The following GRAMD4 variants were observed in gnomAD, a reference collection of about 807,000 sequenced individuals.
The protein encoded by GRAMD4 is GRAM domain containing 4.
GRAMD4 carries 25 observed loss-of-function variants against 83.9 expected under a neutral mutation model. The observed-to-expected ratio is 0.30, with a 90% CI of 0.22 to 0.42. The LOEUF (loss-of-function observed/expected upper bound fraction) is 0.42. Ranked by LOEUF, GRAMD4 falls within the 10% of genes least tolerant of loss-of-function variation. The pLI is 1.00. For synonymous variants in GRAMD4, 336 were observed against 320.9 expected (o/e 1.05, Z -0.50); for missense variants, 593 against 788.7 (o/e 0.75, Z 2.97).
intron 3 of GRAMD4, among the ~76,000 whole-genome samples, chr22:46,643,159 C>CCATGCATCCATCCATGCATGCATG (rs1258467222): frequency 7.5e-4 from 34 of 45,256 alleles, no homozygotes; most frequent in Non-Finnish European, 1.3e-3. Context: ...ATCCATCCAT[C>CCATGCATCCATCCATGCATGCATG]CATCCATCCA....
At chr22:46,654,902 A>C (rs1173031332) in intron 3 of GRAMD4, among the ~76,000 whole-genome samples, 1 of 152,228 alleles carries the variant, frequency 6.6e-6, no homozygotes, top group African/African-American at 2.4e-5. Context: ...ACACTGTACC[A>C]GGAGGTTGTG....
intron 13 of GRAMD4, chr22:46,671,172 GA>G: frequency 2.2e-6 from 1 of 446,868 alleles, no homozygotes; most frequent in Non-Finnish European, 4.8e-6. Context: ...CCACGTGGAG[GA>G]GGCCTGGGAG....
intron 1 of GRAMD4, among the ~76,000 whole-genome samples, chr22:46,613,182 G>T (rs1030813535): frequency 5.3e-5 from 8 of 152,344 alleles, no homozygotes; most frequent in East Asian, 1.9e-4. Context: ...ACCACTGCTG[G>T]CTGGGCAGGT....
At chr22:46,656,114 C>T (rs757064672) in intron 3 of GRAMD4, among the ~76,000 whole-genome samples, 6 of 151,964 alleles carry the variant, frequency 3.9e-5, no homozygotes, top group Admixed American at 1.3e-4. Context: ...GGGGGGCTCT[C>T]GGGAGTCCAG....
At chr22:46,682,382 A>C, downstream of GRAMD4, 1 of 968,784 alleles carries the variant, frequency 1.0e-6, no homozygotes, top group Non-Finnish European at 1.2e-6. Context: ...TGTAAATGAT[A>C]TGATGACAGA....
Position 46,678,877 on chromosome 22 carries a change from C to T in GRAMD4, c.*1626C>T. On this transcript the variant is annotated 3_prime_UTR_variant, in exon 19 of 19. Coordinates refer to ENST00000406902, the MANE Select transcript of GRAMD4 (RefSeq NM_015124.5). The stretch of plus-strand genomic sequence containing the variant: ...ACCAGATTAAGCACATGTCCTATCC[C>T]AGGCGGTGGAGCGGAGCCCCCGTGG... The T allele has an allele frequency of 1.0e-6, 1 of 985,976 alleles. No individual in the cohort carries two copies. The highest frequency in any genetic ancestry group is 1.2e-6 in the Non-Finnish European group (1 of 829,996). The allele number at this position is 985,976 out of a possible 1,614,324, so 61.1% of individuals were successfully genotyped here.
In GRAMD4 at chr22:46,622,771, GT is replaced by G. The variant is rs2081594689; in HGVS notation, c.-50+2207del. ...TACTAAAAATACAAAAAATTAGCTG[GT>G]GTGGTGGCGGGTGCCTGTAGTCCCA... On this transcript the variant is annotated intron_variant, in intron 1 of 18. Transcript: ENST00000406902. This position sits in a 1 kb window ranked among gnomAD's most constrained non-coding sequence, Gnocchi z 4.0. Among the ~76,000 whole-genome samples the G allele has an allele frequency of 6.6e-6, 1 of 152,074 alleles. No homozygotes were observed.
Position 46,599,720 on chromosome 22 carries a change from A to C in GRAMD4, c.-50+22430A>C, listed in dbSNP as rs561426046. ...ATTAGCTCCATTCTCTGAAATGAGC[A>C]TCTTGGTTCTGTCTGGAAGATGGAG... On this transcript the variant is annotated intron_variant, in intron 1 of 1. Coordinates refer to the GRAMD4 transcript ENST00000431155. Among the ~76,000 whole-genome samples the C allele has an allele frequency of 5.7e-4, 87 of 152,342 alleles. 1 individual carries two copies. The highest frequency in any genetic ancestry group is 2.3e-3 in the South Asian group (11 of 4,816).
chr22:46,677,000 C>G (rs894576478), intron 18 of GRAMD4, 147 bp from the exon 19 acceptor site: 16 of 878,382 alleles, frequency 1.8e-5, no homozygotes, highest in Non-Finnish European at 2.3e-5. Context: ...AGCCTGGCTC[C>G]GGGTGGTGGG....
chr22:46,598,436 C>G (rs900802572), intron 1 of GRAMD4, among the ~76,000 whole-genome samples: 9 of 152,174 alleles, frequency 5.9e-5, no homozygotes, highest in East Asian at 1.9e-4. Flanking sequence ...TGTTTGTTGC[C>G]AGAGGATTCT....
chr22:46,593,060 T>G lies in GRAMD4; in HGVS notation c.-50+15770T>G, dbSNP rs141560597. 2.5e-3 allele frequency among the ~76,000 whole-genome samples: 381 copies of G among 152,164 alleles called. 3 individuals are homozygous for G. Among genetic ancestry groups the G allele is most frequent in the African/African-American group, 9.0e-3 (374 of 41,514 alleles). The stretch of plus-strand genomic sequence containing the variant: ...CATTTGAACAAAAACATAAAAGGAA[T>G]TGGTTTTATCCACACCGTTCTCAAA... On this transcript the variant is annotated intron_variant, in intron 1 of 1. Transcript: ENST00000431155.
At chr22:46,638,685 A>C (rs1296261209) in intron 3 of GRAMD4, among the ~76,000 whole-genome samples, 3 of 152,196 alleles carry the variant, frequency 2.0e-5, no homozygotes, top group Admixed American at 1.3e-4. Flanking sequence ...ATGAGTCCCA[A>C]ATTTCCTGCC....
intron 16 of GRAMD4, 45 bp downstream of exon 16, chr22:46,674,795 G>A (rs1250792350): frequency 1.2e-5 from 16 of 1,356,340 alleles, no homozygotes; most frequent in Admixed American, 1.7e-5. Flanking sequence ...GGGAGGGGGC[G>A]CAGGAGGCTG....
At chr22:46,652,500 A>G (rs1410180886) in intron 3 of GRAMD4, among the ~76,000 whole-genome samples, 1 of 152,206 alleles carries the variant, frequency 6.6e-6, no homozygotes, top group Non-Finnish European at 1.5e-5. Context: ...GTGGTGAGCC[A>G]TGGGAAACAA....
chr22:46,672,918 A>G lies in GRAMD4; in HGVS notation c.1160A>G (p.Asp387Gly). 6.2e-7 allele frequency: 1 copy of G among 1,612,138 alleles called. No homozygotes were observed. The highest frequency in any genetic ancestry group is 2.2e-5 in the East Asian group (1 of 44,884). ...TGCCCGAGGCTGCGCGCCAAGTACG[A>G]CACGCCCTATATCATCTGGAGGAGT... Reference protein sequence around the residue: ...KRCPRLRAKYDTPYIIWRSLP... With the variant: ...KRCPRLRAKYGTPYIIWRSLP... The change falls in exon 14 of 19, where the codon GAC (aspartate) becomes GGC (glycine). Residue 387 changes from aspartate (D) to glycine (G), a missense_variant. Around this residue, in one of 4 missense-constraint regions of GRAMD4, gnomAD observed 171 missense variants for 199.6 expected, o/e 0.86. Coordinates refer to ENST00000406902, the MANE Select transcript of GRAMD4 (RefSeq NM_015124.5). The surrounding 1 kb of genome is among the most constrained non-coding windows in gnomAD (Gnocchi z 4.7).
chr22:46,580,126 G>A (rs1019094381), intron 1 of GRAMD4, among the ~76,000 whole-genome samples: 1 of 152,240 alleles, frequency 6.6e-6, no homozygotes, highest in Admixed American at 6.5e-5. Context: ...GTGTGGCAGA[G>A]CATCCCTGCT....
intron 3 of GRAMD4, among the ~76,000 whole-genome samples, chr22:46,646,172 G>C (rs1468508090): frequency 6.6e-6 from 1 of 152,234 alleles, no homozygotes; most frequent in African/African-American, 2.4e-5. Context: ...ACCACGCCCT[G>C]TCTCTGGGCA....
rs1201748193 is a variant in GRAMD4, at chr22:46,658,325, G to A, written c.404+18G>A. The A allele has an allele frequency of 6.3e-7, 1 of 1,589,638 alleles. No individual in the cohort carries two copies. Among genetic ancestry groups the A allele is most frequent in the South Asian group, 1.1e-5 (1 of 88,676 alleles). ...AAGGCCAGGTACCGCGCCTTCCTCG[G>A]GGCCCTGGCCTGTGTGCGGCTGCCC... is the stretch of plus-strand genomic sequence containing the variant. On this transcript the variant is annotated intron_variant, in intron 4 of 18. Transcript: ENST00000406902.
At chr22:46,681,750 CTA>C (rs952169307), downstream of GRAMD4, among the ~76,000 whole-genome samples, 3 of 152,122 alleles carry the variant, frequency 2.0e-5, no homozygotes, top group African/African-American at 4.8e-5. Context: ...TAGGTACTTG[CTA>C]TATGTTTTTA....
Sources: gnomAD v4.1 joint callset for allele counts (sites outside exome capture counted in the v4.1 genomes callset) on GRCh38, gnomAD v4.1.1 for gene constraint, gnomAD v4.1.1 regional missense constraint, Gnocchi (gnomAD v3.1) non-coding constraint, MANE v1.5 for transcripts, NCBI Gene and HGNC (gene_info 2026-07-23, HGNC 2026-07-21) for gene names.